ADAMTS3: variants seen among roughly 807,000 people sequenced by gnomAD.
ADAMTS3 encodes the protein A disintegrin and metalloproteinase with thrombospondin motifs 3.
A neutral mutation model predicts 129.0 loss-of-function variants in ADAMTS3; 73 were observed. That is an observed-to-expected ratio of 0.57 (90% CI 0.47 to 0.69). The LOEUF (loss-of-function observed/expected upper bound fraction) is 0.69. ADAMTS3 is among the 30% of genes least tolerant of loss of function. The pLI, the probability that ADAMTS3 is intolerant of heterozygous loss-of-function variation, is 0.00. For synonymous variants in ADAMTS3, 477 were observed against 510.8 expected (o/e 0.93, Z 0.89); for missense variants, 1,457 against 1,514.5 (o/e 0.96, Z 0.63).
chr4:72,458,005 G>C (rs1008155815), intron 3 of ADAMTS3, among the ~76,000 whole-genome samples: 1 of 151,498 alleles, frequency 6.6e-6, no homozygotes, highest in African/African-American at 2.4e-5. Context: ...CTGATTTTCT[G>C]CTTCCGTTTC....
intron 3 of ADAMTS3, among the ~76,000 whole-genome samples, chr4:72,470,436 GTATAA>G (rs1029503401): frequency 8.4e-5 from 12 of 142,956 alleles, no homozygotes; most frequent in African/African-American, 2.8e-4. Context: ...TACATCTCAT[GTATAA>G]TATATATACA....
intron 5 of ADAMTS3, among the ~76,000 whole-genome samples, chr4:72,332,301 A>G (rs1638460177): frequency 6.6e-6 from 1 of 152,240 alleles, no homozygotes; most frequent in African/African-American, 2.4e-5. Context: ...ATTTGCTGCT[A>G]ACTCTTGAAT....
chr4:72,543,507 C>T (rs1259334356), intron 3 of ADAMTS3, among the ~76,000 whole-genome samples: 1 of 152,020 alleles, frequency 6.6e-6, no homozygotes, highest in Non-Finnish European at 1.5e-5. Context: ...ATGTGACACA[C>T]ACATACAATG....
intron 3 of ADAMTS3, among the ~76,000 whole-genome samples, chr4:72,485,813 A>C (rs1348502121): frequency 6.6e-6 from 1 of 152,174 alleles, no homozygotes; most frequent in African/African-American, 2.4e-5. Flanking sequence ...GGAGGTAATA[A>C]GGTCATGAGG....
At chr4:72,440,677 T>A (rs965577123) in intron 3 of ADAMTS3, among the ~76,000 whole-genome samples, 3 of 151,728 alleles carry the variant, frequency 2.0e-5, no homozygotes, top group African/African-American at 7.2e-5. Flanking sequence ...TGAACACACT[T>A]TTCCTTCTTC....
At chr4:72,369,429 G>T (rs1263957179) in intron 4 of ADAMTS3, among the ~76,000 whole-genome samples, 1 of 152,126 alleles carries the variant, frequency 6.6e-6, no homozygotes, top group Non-Finnish European at 1.5e-5. Flanking sequence ...AAAAAAATGT[G>T]ACCGGGCGCG....
chr4:72,375,695 A>C (rs1721117825), intron 4 of ADAMTS3, among the ~76,000 whole-genome samples: 1 of 152,166 alleles, frequency 6.6e-6, no homozygotes, highest in African/African-American at 2.4e-5. Flanking sequence ...GGTCCTTTCT[A>C]TTGGAAAATT....
intron 3 of ADAMTS3, among the ~76,000 whole-genome samples, chr4:72,526,266 A>T (rs554635577): frequency 1.3e-5 from 2 of 152,280 alleles, no homozygotes; most frequent in East Asian, 3.9e-4. Context: ...GCTACTGTGG[A>T]TGGAGATGAG....
chr4:72,318,591 C>T lies in ADAMTS3; in HGVS notation c.1466G>A (p.Gly489Asp). ...ACATACCGCGGTGCACATTTTATAGCCAACACCAAAATCAAAACGACATTG... is the reference window on the plus strand; with the variant it reads ...ACATACCGCGGTGCACATTTTATAGTCAACACCAAAATCAAAACGACATTG... The part of the protein sequence containing the change: ...DEQCRFDFGV[G>D]YKMCTAFRTF... Residue 489 changes from glycine (G) to aspartate (D), a missense_variant, in exon 10 of 22, where the codon GGC (glycine) becomes GAC (aspartate). Transcript: ENST00000286657. 6.2e-7 allele frequency: 1 copy of T among 1,613,610 alleles called. No homozygotes were observed. The highest frequency in any genetic ancestry group is 8.5e-7 in the Non-Finnish European group (1 of 1,179,826).
intron 3 of ADAMTS3, among the ~76,000 whole-genome samples, chr4:72,431,160 G>T (rs990863454): frequency 1.3e-5 from 2 of 151,930 alleles, no homozygotes; most frequent in Non-Finnish European, 2.9e-5. Context: ...AGCATAAACA[G>T]AAGCGGAAAG....
chr4:72,476,723 T>A (rs952987870), intron 3 of ADAMTS3, among the ~76,000 whole-genome samples: 2 of 152,056 alleles, frequency 1.3e-5, no homozygotes, highest in African/African-American at 2.4e-5. Context: ...ACATTCCTCA[T>A]AAATATTCAT....
chr4:72,371,205 A>T (rs1315017399), intron 4 of ADAMTS3, among the ~76,000 whole-genome samples: 2 of 152,170 alleles, frequency 1.3e-5, no homozygotes, highest in African/African-American at 2.4e-5. Flanking sequence ...TGAGAGAATA[A>T]ATTCTGTGTT....
At chr4:72,304,891 T>C (rs1253725870) in intron 16 of ADAMTS3, among the ~76,000 whole-genome samples, 1 of 152,046 alleles carries the variant, frequency 6.6e-6, no homozygotes, top group African/African-American at 2.4e-5. Context: ...CCAAGGACAT[T>C]AATATGAATT....
At chr4:72,495,193 T>C in intron 3 of ADAMTS3, among the ~76,000 whole-genome samples, 1 of 152,086 alleles carries the variant, frequency 6.6e-6, no homozygotes, top group East Asian at 1.9e-4. Context: ...CCACAGCACT[T>C]GGAACCATGG....
At chr4:72,350,799 A>AT (rs1168264963) in intron 4 of ADAMTS3, among the ~76,000 whole-genome samples, 2 of 151,644 alleles carry the variant, frequency 1.3e-5, no homozygotes, top group Non-Finnish European at 2.9e-5. Flanking sequence ...GTTACCTCTG[A>AT]TTTTTTTTAG....
Position 72,303,899 on chromosome 4 carries a change from G to A in ADAMTS3, c.2424+18C>T, listed in dbSNP as rs762224356. On this transcript the variant is annotated intron_variant, in intron 17 of 21. Transcript: ENST00000286657. ...GTAAGCTGAGCTAACTATACCATGAGCCCATAATGCCACATACCAAAACAA... is the reference window on the plus strand; with the variant it reads ...GTAAGCTGAGCTAACTATACCATGAACCCATAATGCCACATACCAAAACAA... 1.1e-5 allele frequency: 17 copies of A among 1,611,868 alleles called. No individual in the cohort carries two copies. The highest frequency in any genetic ancestry group is 1.4e-5 in the Non-Finnish European group (16 of 1,178,588).
intron 5 of ADAMTS3, among the ~76,000 whole-genome samples, chr4:72,327,066 C>T (rs191414763): frequency 1.3e-4 from 19 of 151,930 alleles, no homozygotes; most frequent in East Asian, 9.7e-4. Flanking sequence ...AAAAATGCTA[C>T]GTTTTAAATG....
chr4:72,438,745 T>C (rs1718035034), intron 3 of ADAMTS3, among the ~76,000 whole-genome samples: 1 of 151,864 alleles, frequency 6.6e-6, no homozygotes, highest in African/African-American at 2.4e-5. Flanking sequence ...AACAACCTTC[T>C]GGTTTGCCTA....
At chr4:72,461,406 C>G (rs1052251910) in intron 3 of ADAMTS3, among the ~76,000 whole-genome samples, 1 of 151,674 alleles carries the variant, frequency 6.6e-6, no homozygotes, top group African/African-American at 2.4e-5. Context: ...ATGTGTCAAA[C>G]ACCCTCCTTA....
Sources: allele counts gnomAD v4.1 joint callset (sites outside exome capture counted in the v4.1 genomes callset), GRCh38; gene constraint gnomAD v4.1.1; transcripts MANE v1.5; gene names NCBI Gene and HGNC (gene_info 2026-07-23, HGNC 2026-07-21).